Variants in CD46 observed in about 807,000 individuals in gnomAD.
The protein encoded by CD46 is CD46 molecule.
A neutral mutation model predicts 53.3 loss-of-function variants in CD46; 30 were observed. The ratio of observed to expected loss-of-function variants is 0.56; its 90% CI spans 0.42 to 0.76. CD46 has a LOEUF of 0.76. Among genes scored for constraint, CD46 ranks in the 30% least tolerant of loss-of-function variants. CD46 has a pLI of 0.00. For synonymous variants in CD46, 142 were observed against 152.0 expected, an observed-to-expected ratio of 0.93 and a Z score of 0.48; for missense variants, 409 against 463.0, an observed-to-expected ratio of 0.88 and a Z score of 1.07.
chr1:207,757,740 T>C, intron 3 of CD46, 98 bp downstream of exon 3: 1 of 801,618 alleles, frequency 1.2e-6, no homozygotes, highest in East Asian at 2.7e-5. Flanking sequence ...TTTTGCTTTC[T>C]ATGTGACAAG....
intron 8 of CD46, among the ~76,000 whole-genome samples, chr1:207,775,374 C>T (rs1657984634): frequency 6.6e-6 from 1 of 152,202 alleles, no homozygotes; most frequent in Admixed American, 6.5e-5. Context: ...AAACCTACTT[C>T]TGTTAACTCA....
intron 11 of CD46, among the ~76,000 whole-genome samples, chr1:207,789,425 A>AAATT (rs1254483154): frequency 1.3e-5 from 2 of 152,236 alleles, no homozygotes; most frequent in African/African-American, 4.8e-5. Context: ...GGATCAAATT[A>AAATT]ACTTAAATGT....
chr1:207,793,963 T>G lies in CD46; in HGVS notation c.*486T>G, dbSNP rs1191009715. The G allele has an allele frequency of 4.2e-6, 1 of 237,714 alleles. No homozygotes were observed. The highest frequency in any genetic ancestry group is 8.5e-6 in the Non-Finnish European group (1 of 118,260). The allele number at this position is 237,714 out of a possible 1,614,324, so 14.7% of individuals were successfully genotyped here. A position where few individuals can be genotyped will look rare whatever the true frequency, so the allele number is the denominator to read the frequency against. On this transcript the variant is annotated 3_prime_UTR_variant, in exon 13 of 13. Coordinates refer to ENST00000367042, the MANE Select transcript of CD46 (RefSeq NM_172351.3). Reference sequence around the variant, plus strand: ...GAAATCTTTTTTGTTCAAAGATTAATGCCAACTCTTAAGATTATTCTTTCA... The same window carrying G: ...GAAATCTTTTTTGTTCAAAGATTAAGGCCAACTCTTAAGATTATTCTTTCA...
chr1:207,781,645 T>A (rs941198235), intron 8 of CD46, among the ~76,000 whole-genome samples: 24 of 152,180 alleles, frequency 1.6e-4, no homozygotes, highest in African/African-American at 5.8e-4. Flanking sequence ...CATGTGGATA[T>A]CCAGTTTTAC....
At chr1:207,785,223 T>C in intron 10 of CD46, 117 bp downstream of exon 10, 1 of 807,988 alleles carries the variant, frequency 1.2e-6, no homozygotes, top group South Asian at 1.5e-5. Flanking sequence ...GTTAAACCGA[T>C]TTAGGAAAAC....
At position 207,778,109 on chromosome 1, in the gene CD46, C is replaced by T. The variant is rs41317843; in HGVS notation, c.944-5183C>T. On this transcript the variant is annotated intron_variant, in intron 8 of 12. Transcript: ENST00000367042. ...TCTTCTTTTGAAAAGTGTCTGTTCACGTGCTTTGCCCACTTTTTAATGGAG... is the reference window on the plus strand; with the variant it reads ...TCTTCTTTTGAAAAGTGTCTGTTCATGTGCTTTGCCCACTTTTTAATGGAG... 3.0e-3 allele frequency among the ~76,000 whole-genome samples: 458 copies of T among 152,188 alleles called. 3 individuals carry two copies. The highest frequency in any genetic ancestry group is 8.6e-3 in the African/African-American group (359 of 41,552).
chr1:207,785,797 A>AT (rs1659218031), intron 11 of CD46, 115 bp downstream of exon 11: 1 of 706,200 alleles, frequency 1.4e-6, no homozygotes, highest in African/African-American at 1.8e-5. Context: ...TTTTTAAAAA[A>AT]ATGCCTGCAT....
chr1:207,761,114 T>G, intron 4 of CD46, 135 bp from the exon 5 acceptor site: 1 of 619,104 alleles, frequency 1.6e-6, no homozygotes, highest in South Asian at 2.0e-5. Context: ...CATAGAAACC[T>G]TCTTTTAAAT....
intron 1 of CD46, among the ~76,000 whole-genome samples, chr1:207,755,846 A>G (rs1237280456): frequency 6.6e-6 from 1 of 152,228 alleles, no homozygotes; most frequent in Non-Finnish European, 1.5e-5. Context: ...AATTGATTAC[A>G]ATATATTCTT....
At chr1:207,775,175 T>C (rs539196923) in intron 8 of CD46, among the ~76,000 whole-genome samples, 14 of 152,268 alleles carry the variant, frequency 9.2e-5, no homozygotes, top group Non-Finnish European at 1.8e-4. Flanking sequence ...TCGAATCAGC[T>C]ATTGAAGCTT....
Position 207,752,840 on chromosome 1 carries a change from G to A in CD46, c.97+531G>A, listed in dbSNP as rs75780278. 1.3e-5 allele frequency among the ~76,000 whole-genome samples: 2 copies of A among 152,184 alleles called. No individual in the cohort carries two copies. The highest frequency in any genetic ancestry group is 6.5e-5 in the Admixed American group (1 of 15,280). On this transcript the variant is annotated intron_variant, in intron 1 of 12. Coordinates refer to ENST00000367042, the MANE Select transcript of CD46 (RefSeq NM_172351.3). This position sits in a 1 kb window ranked among gnomAD's most constrained non-coding sequence, Gnocchi z 4.1. The stretch of plus-strand genomic sequence containing the variant: ...GGGGCCTGGCCAGGTGTTGCTGGGA[G>A]CGTGCTGTGCGTAAGTGGCCTGTGT...
chr1:207,756,780 T>G (rs1343407609), intron 1 of CD46, among the ~76,000 whole-genome samples: 1 of 152,268 alleles, frequency 6.6e-6, no homozygotes, highest in Non-Finnish European at 1.5e-5. Context: ...CTTCAGTTTA[T>G]TGTCGAATGT....
intron 8 of CD46, among the ~76,000 whole-genome samples, chr1:207,783,045 C>A (rs1467219250): frequency 6.6e-6 from 1 of 151,940 alleles, no homozygotes; most frequent in East Asian, 1.9e-4. Flanking sequence ...TGTTGAACCA[C>A]AGAATGTTGT....
intron 12 of CD46, among the ~76,000 whole-genome samples, chr1:207,791,149 C>T (rs1659760894): frequency 6.6e-6 from 1 of 152,312 alleles, no homozygotes; most frequent in East Asian, 1.9e-4. Context: ...CCAGAATTGG[C>T]GGTCTGGGCC....
chr1:207,785,139 CA>C, intron 10 of CD46, 33 bp downstream of exon 10: 3 of 1,525,006 alleles, frequency 2.0e-6, no homozygotes, highest in Non-Finnish European at 2.7e-6. Context: ...CCACTTAAGT[CA>C]AAAAATTATT....
chr1:207,771,336 T>G (rs2102617307), intron 8 of CD46, among the ~76,000 whole-genome samples: 1 of 152,376 alleles, frequency 6.6e-6, no homozygotes, highest in African/African-American at 2.4e-5. Context: ...TTTTCTCCCA[T>G]TCTGTACGTT....
At chr1:207,765,930 C>A (rs1656793602) in intron 5 of CD46, among the ~76,000 whole-genome samples, 1 of 152,174 alleles carries the variant, frequency 6.6e-6, no homozygotes, top group Non-Finnish European at 1.5e-5. Context: ...ATGAATGAAC[C>A]ACCTGTGCTA....
chr1:207,790,412 A>G (rs1659690755), intron 12 of CD46, 67 bp downstream of exon 12: 2 of 788,818 alleles, frequency 2.5e-6, no homozygotes, highest in East Asian at 5.1e-5. Flanking sequence ...GGATATATAG[A>G]TATCAATAAC....
In CD46 at chr1:207,785,799, T is replaced by G. The variant is rs1659218542; in HGVS notation, c.1082+117T>G. The stretch of plus-strand genomic sequence containing the variant: ...TATCTTTTTTTTTTTTTTAAAAAAA[T>G]GCCTGCATTAGTTTGTCCTACCAAT... On this transcript the variant is annotated intron_variant, in intron 11 of 12. Coordinates refer to ENST00000367042, the MANE Select transcript of CD46 (RefSeq NM_172351.3). 8.7e-6 allele frequency: 5 copies of G among 577,610 alleles called. No individual in the cohort carries two copies. In the African/African-American group the frequency reaches 1.0e-4, roughly 12 times the overall value. 35.8% of individuals were successfully genotyped at this position (577,610 alleles called of 1,614,324 possible).
Sources: gnomAD v4.1 joint callset for allele counts (sites outside exome capture counted in the v4.1 genomes callset) on GRCh38, gnomAD v4.1.1 for gene constraint, Gnocchi (gnomAD v3.1) non-coding constraint, MANE v1.5 for transcripts, NCBI Gene and HGNC (gene_info 2026-07-23, HGNC 2026-07-21) for gene names.